Variants in CDC25B observed in about 807,000 individuals in gnomAD.
CDC25B encodes the protein M-phase inducer phosphatase 2.
CDC25B carries 33 observed loss-of-function variants against 69.8 expected under a neutral mutation model. That is an observed-to-expected ratio of 0.47 (90% confidence interval 0.36 to 0.63). The LOEUF is 0.63. CDC25B is among the 30% of genes least tolerant of loss of function. The pLI is 0.00. For synonymous variants in CDC25B, 341 were observed against 314.6 expected (o/e 1.08, Z -0.89); for missense variants, 727 against 809.1 (o/e 0.90, Z 1.23).
intron 15 of CDC25B, 33 bp downstream of exon 15, chr20:3,804,713 G>A: frequency 6.4e-7 from 1 of 1,566,066 alleles, no homozygotes; most frequent in Non-Finnish European, 8.7e-7. Flanking sequence ...CAGTCTCTGT[G>A]TGAGGGTTGG....
intron 1 of CDC25B, among the ~76,000 whole-genome samples, 159 bp from the exon 2 acceptor site, chr20:3,797,463 T>A (rs2089099924): frequency 1.3e-5 from 2 of 152,238 alleles, no homozygotes; most frequent in African/African-American, 4.8e-5. Flanking sequence ...AGAATGAACC[T>A]TCCTTGACCT....
Position 3,805,141 on chromosome 20 carries a change from A to G in CDC25B, c.*180A>G, listed in dbSNP as rs1469728472. On this transcript the variant is annotated 3_prime_UTR_variant, in exon 16 of 16. Coordinates refer to ENST00000245960, the MANE Select transcript of CDC25B (RefSeq NM_021873.4). ...CCCCTGTGTCATCCCATCATTTTCCATATCCTGGTGCCCCCCACCCCTGGA... is the reference window on the plus strand; with the variant it reads ...CCCCTGTGTCATCCCATCATTTTCCGTATCCTGGTGCCCCCCACCCCTGGA... 1 of 646,164 alleles carries G rather than the reference A, an allele frequency of 1.5e-6. No individual in the cohort carries two copies. Among genetic ancestry groups the G allele is most frequent in the Non-Finnish European group, 2.6e-6 (1 of 382,068 alleles). The allele number at this position is 646,164 out of a possible 1,614,324, so 40.0% of individuals were successfully genotyped here. A position where few individuals can be genotyped will look rare whatever the true frequency, so the allele number is the denominator to read the frequency against.
Position 3,803,042 on chromosome 20 carries a change from C to T in CDC25B, c.1258-66C>T, listed in dbSNP as rs942684899. The T allele has an allele frequency of 1.9e-6, 3 of 1,591,114 alleles. No individual in the cohort carries two copies. The highest frequency in any genetic ancestry group is 2.7e-5 in the African/African-American group (2 of 74,516). ...CTCCATTGTTGACCTTCCCTGGGGA[C>T]AGGCTAGGGCCACCTGCCAGCTGCC... is the stretch of plus-strand genomic sequence containing the variant. On this transcript the variant is annotated intron_variant, in intron 12 of 15. Coordinates refer to ENST00000245960, the MANE Select transcript of CDC25B (RefSeq NM_021873.4). The surrounding 1 kb of genome is among the most constrained non-coding windows in gnomAD (Gnocchi z 4.9).
rs546386713 is a variant in CDC25B at position 3,799,016 on chromosome 20, C to T, written c.380+553C>T. On this transcript the variant is annotated intron_variant, in intron 3 of 15. Transcript: ENST00000245960. ...TGGAGAGAGAGTTGGTGGGCTCTGG[C>T]CTGGACAGACCATCCCCTTGGCTGT... 2.6e-5 allele frequency among the ~76,000 whole-genome samples: 4 copies of T among 152,268 alleles called. No homozygotes were observed. In the South Asian group the frequency reaches 8.3e-4, roughly 32 times the overall value.
intron 7 of CDC25B, 64 bp downstream of exon 7, chr20:3,801,157 G>T: frequency 6.2e-7 from 1 of 1,607,038 alleles, no homozygotes; most frequent in Non-Finnish European, 8.5e-7. Context: ...AGAGGAGGGT[G>T]GCCCTGAACC....
chr20:3,799,511 TGTGTGTGTGTGTGTGCGC>T (rs2089189202), intron 3 of CDC25B, among the ~76,000 whole-genome samples: 2 of 130,892 alleles, frequency 1.5e-5, no homozygotes, highest in Non-Finnish European at 1.5e-5. Context: ...TGTGTGTGTG[TGTGTGTGTGTGTGTGCGC>T]GCGCGCGCGT....
At chr20:3,789,901 G>C (rs1487996737) in intron 1 of CDC25B, among the ~76,000 whole-genome samples, 1 of 151,864 alleles carries the variant, frequency 6.6e-6, no homozygotes, top group South Asian at 2.1e-4. Context: ...AGGCAGGAGA[G>C]TGGCGTGAAC....
At chr20:3,799,505 T>C (rs985384706) in intron 3 of CDC25B, among the ~76,000 whole-genome samples, 22 of 118,896 alleles carry the variant, frequency 1.9e-4, no homozygotes, top group Non-Finnish European at 3.5e-4. Flanking sequence ...TGTGTGTGTG[T>C]GTGTGTGTGT....
chr20:3,800,203 TC>T (rs1176404905), intron 3 of CDC25B, 84 bp from the exon 4 acceptor site: 1 of 549,472 alleles, frequency 1.8e-6, no homozygotes, highest in Non-Finnish European at 2.5e-6. Flanking sequence ...TTGCCCTTAC[TC>T]CCCCCTGGAC....
At position 3,797,658 on chromosome 20, in the gene CDC25B, C is replaced by T. The variant is rs1178834409; in HGVS notation, c.237C>T (p.Phe79=). 5 of 1,614,130 alleles carry T rather than the reference C, an allele frequency of 3.1e-6. 1 individual carries two copies. The South Asian group carries it at 4.4e-5, about 14-fold the overall frequency. ...AGAGTCAGGTAGGGACCCTGCTCTTCCGCAGCCGCAGCCGCCTGACGCACC... is the reference window on the plus strand; with the variant it reads ...AGAGTCAGGTAGGGACCCTGCTCTTTCGCAGCCGCAGCCGCCTGACGCACC... The part of the protein sequence containing the change: ...TPKSQVGTLL[F]RSRSRLTHLS... Residue 79 remains phenylalanine (F), a synonymous_variant, in exon 2 of 16, where the codon TTC becomes TTT. Coordinates refer to ENST00000245960, the MANE Select transcript of CDC25B (RefSeq NM_021873.4).
chr20:3,799,386 C>A (rs1414889356), intron 3 of CDC25B, among the ~76,000 whole-genome samples: 2 of 152,292 alleles, frequency 1.3e-5, no homozygotes, highest in Middle Eastern at 3.4e-3. Context: ...GTTGGCTGGG[C>A]ACAGCAGCCC....
chr20:3,802,652 G>T (rs2089328527), intron 11 of CDC25B: 3 of 600,450 alleles, frequency 5.0e-6, no homozygotes, highest in South Asian at 4.1e-5. Flanking sequence ...TCACCTTCGG[G>T]CTTGGCAGAG....
At chr20:3,788,468 T>C (rs1404814677) in intron 1 of CDC25B, among the ~76,000 whole-genome samples, 6 of 152,252 alleles carry the variant, frequency 3.9e-5, no homozygotes, top group African/African-American at 9.6e-5. Flanking sequence ...AGGGAATCTT[T>C]TGGATATGAG....
chr20:3,794,542 G>A (rs924363948), upstream of CDC25B, among the ~76,000 whole-genome samples: 8 of 152,166 alleles, frequency 5.3e-5, no homozygotes, highest in East Asian at 7.7e-4. Context: ...TTTGGGCTGG[G>A]TGGCTTTACA....
chr20:3,797,495 C>G, intron 1 of CDC25B, 127 bp from the exon 2 acceptor site: 1 of 1,234,392 alleles, frequency 8.1e-7, no homozygotes. Flanking sequence ...GCCCTCAGGG[C>G]CATTGCTTTC....
At chr20:3,790,669 C>T (rs899093299) in intron 1 of CDC25B, among the ~76,000 whole-genome samples, 2 of 152,042 alleles carry the variant, frequency 1.3e-5, no homozygotes, top group Non-Finnish European at 2.9e-5. Context: ...CTCGTAGGTT[C>T]AGTCATTTCT....
intron 11 of CDC25B, 46 bp downstream of exon 11, chr20:3,802,422 C>A: frequency 7.3e-7 from 1 of 1,367,950 alleles, no homozygotes; most frequent in Non-Finnish European, 1.0e-6. Context: ...TGACCTCTTA[C>A]TGACTAGGGG....
At position 3,805,638 on chromosome 20, in the gene CDC25B, T is replaced by C. The variant is rs1349480831; in HGVS notation, c.*677T>C. ...TGTCAAATATCAGTTACCCACTCGG[T>C]CCCAGTTTTGTTGCCCCAGAAAGGG... On this transcript the variant is annotated 3_prime_UTR_variant, in exon 16 of 16. Transcript: ENST00000245960. 2.7e-6 allele frequency: 1 copy of C among 368,206 alleles called. No homozygotes were observed. 22.8% of individuals were successfully genotyped at this position (368,206 alleles called of 1,614,324 possible).
chr20:3,803,180 T>A lies in CDC25B; in HGVS notation c.1330T>A (p.Tyr444Asn). 1 of 1,613,560 alleles carries A rather than the reference T, an allele frequency of 6.2e-7. No individual in the cohort carries two copies. Among genetic ancestry groups the A allele is most frequent in the Non-Finnish European group, 8.5e-7 (1 of 1,179,584 alleles). The change falls in exon 13 of 16, where the codon TAT becomes AAT. Residue 444 changes from tyrosine (Y) to asparagine (N), a missense_variant. Tyr to Asn is a moderately radical substitution (Grantham distance 143). Around this residue, in one of 2 missense-constraint regions of CDC25B, gnomAD observed 359 missense variants for 463.4 expected, o/e 0.77. Coordinates refer to ENST00000245960, the MANE Select transcript of CDC25B (RefSeq NM_021873.4). This position sits in a 1 kb window ranked among gnomAD's most constrained non-coding sequence, Gnocchi z 4.9. ...TGTGATTGTAGACTGCAGATACCCCTATGAATATGAAGGCGGGCACATCAA... is the reference window on the plus strand; with the variant it reads ...TGTGATTGTAGACTGCAGATACCCCAATGAATATGAAGGCGGGCACATCAA... ...KFVIVDCRYP[Y>N]EYEGGHIKTA...
Sources: gnomAD v4.1 joint callset for allele counts (sites outside exome capture counted in the v4.1 genomes callset) on GRCh38, gnomAD v4.1.1 for gene constraint, gnomAD v4.1.1 regional missense constraint, Gnocchi (gnomAD v3.1) non-coding constraint, MANE v1.5 for transcripts, NCBI Gene and HGNC (gene_info 2026-07-23, HGNC 2026-07-21) for gene names.